Variants in RFX7 observed in about 807,000 individuals in gnomAD.
The protein encoded by RFX7 is regulatory factor X7.
A neutral mutation model predicts 111.8 loss-of-function variants in RFX7; 26 were observed. The ratio of observed to expected loss-of-function variants is 0.23; its 90% CI spans 0.17 to 0.32. The LOEUF (loss-of-function observed/expected upper bound fraction) is 0.32, where lower values mean the gene tolerates loss of function less well. Among genes scored for constraint, RFX7 ranks in the 10% least tolerant of loss-of-function variants. RFX7 has a pLI of 1.00. For synonymous variants in RFX7, 624 were observed against 624.4 expected (o/e 1.00, Z 0.01); for missense variants, 1,573 against 1,772.9 (o/e 0.89, Z 2.02).
At chr15:56,116,321 A>T (rs1463106945) in intron 5 of RFX7, among the ~76,000 whole-genome samples, 3 of 152,222 alleles carry the variant, frequency 2.0e-5, no homozygotes, top group African/African-American at 7.2e-5. Flanking sequence ...GATGGTTTGT[A>T]GTTAAATAAG....
intron 3 of RFX7, among the ~76,000 whole-genome samples, chr15:56,157,564 C>CA (rs1346226376): frequency 2.0e-5 from 3 of 152,102 alleles, no homozygotes; most frequent in Admixed American, 2.0e-4. Context: ...AGTTGGTATT[C>CA]AATTTAGGAA....
chr15:56,133,723 T>C (rs998083957), intron 5 of RFX7, among the ~76,000 whole-genome samples: 1 of 152,168 alleles, frequency 6.6e-6, no homozygotes, highest in Non-Finnish European at 1.5e-5. Context: ...TTAACTGTTT[T>C]CTAATACTTT....
At chr15:56,183,914 T>C (rs561581405) in intron 2 of RFX7, among the ~76,000 whole-genome samples, 5 of 152,300 alleles carry the variant, frequency 3.3e-5, no homozygotes, top group Admixed American at 6.5e-5. Flanking sequence ...ACAGATGGTA[T>C]TGTGAATTTT....
At chr15:56,222,042 T>G (rs1287536396) in intron 2 of RFX7, among the ~76,000 whole-genome samples, 1 of 152,236 alleles carries the variant, frequency 6.6e-6, no homozygotes, top group Non-Finnish European at 1.5e-5. Flanking sequence ...TAGCATTATT[T>G]ACAGTGAAAG....
intron 5 of RFX7, among the ~76,000 whole-genome samples, chr15:56,141,512 G>C (rs1428487705): frequency 6.6e-6 from 1 of 151,500 alleles, no homozygotes; most frequent in African/African-American, 2.4e-5. Flanking sequence ...CTATTCTCTT[G>C]ATCTTCAATC....
At chr15:56,203,168 T>C (rs2043211571) in intron 2 of RFX7, among the ~76,000 whole-genome samples, 1 of 152,158 alleles carries the variant, frequency 6.6e-6, no homozygotes, top group Admixed American at 6.5e-5. Flanking sequence ...AGTTGTCAAG[T>C]ATAAAAGGTA....
At chr15:56,139,685 A>C (rs1314535011) in intron 5 of RFX7, among the ~76,000 whole-genome samples, 1 of 151,996 alleles carries the variant, frequency 6.6e-6, no homozygotes, top group Non-Finnish European at 1.5e-5. Flanking sequence ...GGAGGAGGAG[A>C]GGCGCTCTGG....
intron 2 of RFX7, among the ~76,000 whole-genome samples, chr15:56,184,716 C>T (rs2043019314): frequency 6.6e-6 from 1 of 152,204 alleles, no homozygotes; most frequent in Non-Finnish European, 1.5e-5. Context: ...CCTTACTTTT[C>T]TGTGCTCAGT....
chr15:56,216,947 C>T (rs1488926012), intron 2 of RFX7, among the ~76,000 whole-genome samples: 5 of 152,082 alleles, frequency 3.3e-5, no homozygotes, highest in East Asian at 1.9e-4. Flanking sequence ...CACCACCATG[C>T]GTGGCTCTAC....
Position 56,179,263 on chromosome 15 carries a change from C to T in RFX7, c.195+7G>A, listed in dbSNP as rs769890645. 5 of 1,259,572 alleles carry T rather than the reference C, an allele frequency of 4.0e-6. No individual in the cohort carries two copies. In the African/African-American group the frequency reaches 7.8e-5, roughly 20 times the overall value. The allele number at this position is 1,259,572 out of a possible 1,614,324, so 78.0% of individuals were successfully genotyped here. ...AAAAGGATTTTAATATTAGTTATTT[C>T]ACTTACCAAAATGCAGTCCACTTTA... On this transcript the variant is annotated splice_region_variant and intron_variant, in intron 3 of 9. Transcript: ENST00000559447.
At chr15:56,225,783 T>C (rs1815724778) in intron 2 of RFX7, among the ~76,000 whole-genome samples, 2 of 152,164 alleles carry the variant, frequency 1.3e-5, no homozygotes, top group Non-Finnish European at 2.9e-5. Flanking sequence ...ATCTTCCCTA[T>C]AGGACATTAT....
chr15:56,213,942 T>C lies in RFX7; in HGVS notation c.161+29183A>G, dbSNP rs74748323. ...CTACAATTGATTGTGGATCAAGGGG[T>C]AAACTTGGATCCATTTCACTTTTTT... On this transcript the variant is annotated intron_variant, in intron 2 of 9. Transcript: ENST00000559447. 4.0e-3 allele frequency among the ~76,000 whole-genome samples: 611 copies of C among 152,314 alleles called. 9 individuals carry two copies. Among genetic ancestry groups the C allele is most frequent in the African/African-American group, 0.014 (591 of 41,566 alleles).
At chr15:56,189,539 C>T (rs2043079197) in intron 2 of RFX7, among the ~76,000 whole-genome samples, 2 of 151,672 alleles carry the variant, frequency 1.3e-5, no homozygotes, top group East Asian at 1.9e-4. Context: ...ACTCCTACAA[C>T]TCCATAGTAA....
chr15:56,187,519 T>C (rs1595996356), intron 2 of RFX7, among the ~76,000 whole-genome samples: 3 of 152,036 alleles, frequency 2.0e-5, no homozygotes, highest in African/African-American at 4.8e-5. Context: ...AGGGTACTTA[T>C]CAGCCCATGT....
intron 2 of RFX7, 83 bp downstream of exon 2, chr15:56,243,042 T>TGCCCCC: frequency 1.8e-6 from 1 of 543,104 alleles, no homozygotes; most frequent in Non-Finnish European, 3.3e-6. Context: ...CCTCCTCCGC[T>TGCCCCC]CCCCCCGCCC....
intron 3 of RFX7, among the ~76,000 whole-genome samples, chr15:56,163,757 G>T (rs1277328649): frequency 6.6e-6 from 1 of 152,046 alleles, no homozygotes; most frequent in African/African-American, 2.4e-5. Flanking sequence ...TACTATTTTT[G>T]CTTTCTATTG....
intron 2 of RFX7, among the ~76,000 whole-genome samples, chr15:56,225,609 T>G (rs1202654903): frequency 6.6e-6 from 1 of 152,164 alleles, no homozygotes; most frequent in Non-Finnish European, 1.5e-5. Flanking sequence ...CACATCTCAC[T>G]TTAGAAGTTA....
chr15:56,146,110 T>C (rs1351208606), intron 3 of RFX7, among the ~76,000 whole-genome samples: 1 of 151,814 alleles, frequency 6.6e-6, no homozygotes, highest in Non-Finnish European at 1.5e-5. Context: ...TGTCAAATTG[T>C]TTTTTTTAAG....
At position 56,088,864 on chromosome 15, in the gene RFX7, T is replaced by C. The variant is rs2041561665; in HGVS notation, c.*4481A>G. The C allele has an allele frequency of 2.0e-5, 3 of 152,270 alleles. No individual in the cohort carries two copies. In the South Asian group the frequency reaches 6.2e-4, roughly 32 times the overall value. 9.4% of individuals were successfully genotyped at this position (152,270 alleles called of 1,614,324 possible). A position where few individuals can be genotyped will look rare whatever the true frequency, so the allele number is the denominator to read the frequency against. On this transcript the variant is annotated 3_prime_UTR_variant, in exon 10 of 10. Coordinates refer to ENST00000559447, the MANE Select transcript of RFX7 (RefSeq NM_022841.7). ...AGTTCGGCAGATTTCAAATTCTTATTTTTTCTTCTACATAGTGTAGTATAC... is the reference window on the plus strand; with the variant it reads ...AGTTCGGCAGATTTCAAATTCTTATCTTTTCTTCTACATAGTGTAGTATAC...
Sources: allele counts gnomAD v4.1 joint callset (sites outside exome capture counted in the v4.1 genomes callset), GRCh38; gene constraint gnomAD v4.1.1; transcripts MANE v1.5; gene names NCBI Gene and HGNC (gene_info 2026-07-23, HGNC 2026-07-21).